The following FCHSD2 variants were observed in gnomAD, a reference collection of about 807,000 sequenced individuals.
FCHSD2 encodes the protein F-BAR and double SH3 domains protein 2.
FCHSD2 carries 38 observed loss-of-function variants against 108.1 expected under a neutral mutation model. The observed-to-expected ratio is 0.35, with a 90% CI of 0.27 to 0.46. The LOEUF (loss-of-function observed/expected upper bound fraction) is 0.46. Among genes scored for constraint, FCHSD2 ranks in the 20% least tolerant of loss-of-function variants. The pLI is 1.00. For synonymous variants in FCHSD2, 279 were observed against 314.7 expected, an observed-to-expected ratio of 0.89 and a Z score of 1.20; for missense variants, 751 against 897.8, an observed-to-expected ratio of 0.84 and a Z score of 2.09.
In FCHSD2 at chr11:72,920,478, T is replaced by C. The variant is rs576878862; in HGVS notation, c.828+1350A>G. On this transcript the variant is annotated intron_variant, in intron 9 of 19. Coordinates refer to ENST00000409418, the MANE Select transcript of FCHSD2 (RefSeq NM_014824.3). ...GATCACGGCTGGGCATGGTGGCTCA[T>C]GCCTGTAATCCCAGCACTTTGAGAG... 5.3e-5 allele frequency among the ~76,000 whole-genome samples: 8 copies of C among 152,268 alleles called. No homozygotes were observed. The South Asian group carries it at 1.4e-3, about 28-fold the overall frequency.
chr11:72,938,160 T>A (rs1175785219), intron 8 of FCHSD2, among the ~76,000 whole-genome samples: 1 of 149,546 alleles, frequency 6.7e-6, no homozygotes, highest in East Asian at 2.0e-4. Context: ...GGCAGTATTA[T>A]CCAGATTATG....
chr11:72,918,739 A>G (rs941260514), intron 9 of FCHSD2, among the ~76,000 whole-genome samples: 3 of 152,242 alleles, frequency 2.0e-5, no homozygotes, highest in Middle Eastern at 3.4e-3. Context: ...TATTTTCTGA[A>G]TTCTTTTTTT....
chr11:72,909,966 C>A (rs1855723760), intron 9 of FCHSD2, among the ~76,000 whole-genome samples: 1 of 139,612 alleles, frequency 7.2e-6, no homozygotes, highest in African/African-American at 2.7e-5. Flanking sequence ...TGCCCATTGT[C>A]TGGGAGGTGA....
At chr11:72,889,772 A>C (rs541625697) in intron 11 of FCHSD2, 57 bp downstream of exon 11, 1 of 967,882 alleles carries the variant, frequency 1.0e-6, no homozygotes, top group East Asian at 2.4e-5. Flanking sequence ...TCAGTTCCTT[A>C]AACTGTTTGA....
intron 2 of FCHSD2, among the ~76,000 whole-genome samples, chr11:73,091,207 ATGC>A (rs1859948794): frequency 6.6e-6 from 1 of 152,182 alleles, no homozygotes; most frequent in South Asian, 2.1e-4. Flanking sequence ...ATTATGGATA[ATGC>A]TGCTATCCAC....
chr11:73,135,940 A>C (rs1861110906), intron 2 of FCHSD2, among the ~76,000 whole-genome samples: 1 of 152,130 alleles, frequency 6.6e-6, no homozygotes, highest in African/African-American at 2.4e-5. Flanking sequence ...GAGTGGGAGA[A>C]TCACTTGAGC....
chr11:73,082,861 T>C (rs1185495731), intron 3 of FCHSD2, among the ~76,000 whole-genome samples: 1 of 152,200 alleles, frequency 6.6e-6, no homozygotes, highest in Non-Finnish European at 1.5e-5. Context: ...CATGAAAGAA[T>C]AGTTATTAAT....
chr11:73,131,512 G>C (rs1383849085), intron 2 of FCHSD2, among the ~76,000 whole-genome samples: 1 of 151,828 alleles, frequency 6.6e-6, no homozygotes, highest in Admixed American at 6.6e-5. Context: ...CTGGGTGACA[G>C]AGTGAGACTT....
chr11:73,134,862 T>A (rs953444615), intron 2 of FCHSD2, among the ~76,000 whole-genome samples: 2 of 152,200 alleles, frequency 1.3e-5, no homozygotes, highest in Non-Finnish European at 2.9e-5. Flanking sequence ...TGGTTTTTTT[T>A]GAGACAGAGT....
At chr11:73,068,471 A>C (rs1173926157) in intron 3 of FCHSD2, among the ~76,000 whole-genome samples, 6 of 152,122 alleles carry the variant, frequency 3.9e-5, no homozygotes, top group East Asian at 1.9e-4. Context: ...CCTATGTAAC[A>C]AACCTGCACA....
intron 3 of FCHSD2, among the ~76,000 whole-genome samples, chr11:73,037,739 C>A (rs1858532248): frequency 6.6e-6 from 1 of 152,140 alleles, no homozygotes; most frequent in African/African-American, 2.4e-5. Context: ...ACCTATCTTA[C>A]TTTGTCAAAT....
At chr11:72,840,990 A>G (rs560782632) in intron 18 of FCHSD2, 31 bp from the exon 19 acceptor site, 3 of 1,544,574 alleles carry the variant, frequency 1.9e-6, no homozygotes, top group Admixed American at 1.7e-5. Context: ...AGCTCATTTT[A>G]CTTGAGTTGT....
chr11:72,922,028 G>A (rs1417513449), intron 8 of FCHSD2, 78 bp from the exon 9 acceptor site: 4 of 1,002,144 alleles, frequency 4.0e-6, no homozygotes, highest in Non-Finnish European at 5.9e-6. Flanking sequence ...TATGAGAAAA[G>A]TAGGTATGTT....
chr11:72,874,029 T>C (rs1854917921), intron 12 of FCHSD2, among the ~76,000 whole-genome samples: 5 of 152,212 alleles, frequency 3.3e-5, no homozygotes, highest in Admixed American at 3.3e-4. Flanking sequence ...TGGTGTTCCA[T>C]TGGTGGAACC....
chr11:73,107,679 A>G (rs1860378352), intron 2 of FCHSD2, among the ~76,000 whole-genome samples: 1 of 152,204 alleles, frequency 6.6e-6, no homozygotes, highest in Admixed American at 6.5e-5. Context: ...AGCTCCTACA[A>G]ATAAATGACA....
intron 3 of FCHSD2, among the ~76,000 whole-genome samples, chr11:73,030,020 TAAC>T (rs558759741): frequency 1.6e-4 from 25 of 152,160 alleles, no homozygotes; most frequent in African/African-American, 4.3e-4. Context: ...GGCCAGTTTT[TAAC>T]AACAACAACA....
intron 2 of FCHSD2, among the ~76,000 whole-genome samples, chr11:73,097,662 T>C (rs567285006): frequency 1.3e-5 from 2 of 151,552 alleles, no homozygotes; most frequent in East Asian, 3.9e-4. Flanking sequence ...CCTTCACTTG[T>C]TATTGAGAAT....
At chr11:72,860,565 C>T (rs1247682017) in intron 13 of FCHSD2, among the ~76,000 whole-genome samples, 1 of 152,082 alleles carries the variant, frequency 6.6e-6, no homozygotes, top group Non-Finnish European at 1.5e-5. Context: ...AAATTAGAGG[C>T]CAGGTGCAGT....
At chr11:73,059,610 G>A (rs151168876) in intron 3 of FCHSD2, among the ~76,000 whole-genome samples, 3 of 152,266 alleles carry the variant, frequency 2.0e-5, no homozygotes, top group African/African-American at 7.2e-5. Context: ...AAGAGGAAAA[G>A]CAAAATTAGT....
Sources: gnomAD v4.1 joint callset for allele counts (sites outside exome capture counted in the v4.1 genomes callset) on GRCh38, gnomAD v4.1.1 for gene constraint, MANE v1.5 for transcripts, NCBI Gene and HGNC (gene_info 2026-07-23, HGNC 2026-07-21) for gene names.